IGFBP2: variants seen among roughly 807,000 people sequenced by gnomAD.
IGFBP2 encodes the protein insulin-like growth factor-binding protein 2.
Under a neutral mutation model 26.2 loss-of-function variants are expected in IGFBP2, and 12 were observed. The ratio of observed to expected loss-of-function variants is 0.46; its 90% CI spans 0.29 to 0.74. The LOEUF is 0.74. IGFBP2 is among the 30% of genes least tolerant of loss of function. The probability of loss-of-function intolerance (pLI) is 0.09; values close to 1 mark genes in which losing one functional copy is unlikely to be tolerated. For synonymous variants in IGFBP2, 189 were observed against 200.6 expected (o/e 0.94, Z 0.49); for missense variants, 328 against 441.2 (o/e 0.74, Z 2.30).
At chr2:216,651,637 A>T (rs1328587477) in intron 1 of IGFBP2, among the ~76,000 whole-genome samples, 8 of 152,260 alleles carry the variant, frequency 5.3e-5, no homozygotes, top group African/African-American at 1.9e-4. Flanking sequence ...CATATTGCAG[A>T]ACTCTCATGA....
chr2:216,646,134 T>C (rs1697705851), intron 1 of IGFBP2, among the ~76,000 whole-genome samples: 1 of 152,228 alleles, frequency 6.6e-6, no homozygotes, highest in African/African-American at 2.4e-5. Flanking sequence ...CTGGACATCT[T>C]TGCAGGTTTT....
chr2:216,650,795 A>C lies in IGFBP2; in HGVS notation c.443-9762A>C, dbSNP rs184712499. 2.6e-5 allele frequency among the ~76,000 whole-genome samples: 4 copies of C among 152,314 alleles called. No homozygotes were observed. The East Asian group carries it at 7.7e-4, about 29-fold the overall frequency. ...CTACCACAAAGGAAACTGGGAGAGG[A>C]GGGACCACCTGTTGGAAAACCATGC... On this transcript the variant is annotated intron_variant, in intron 1 of 3. Coordinates refer to ENST00000233809, the MANE Select transcript of IGFBP2 (RefSeq NM_000597.3).
chr2:216,652,858 G>A (rs1177221455), intron 1 of IGFBP2, among the ~76,000 whole-genome samples: 1 of 152,144 alleles, frequency 6.6e-6, no homozygotes, highest in African/African-American at 2.4e-5. Context: ...TGAAAGGCTT[G>A]GAATGCTATT....
chr2:216,634,807 A>T (rs1265279487), intron 1 of IGFBP2, among the ~76,000 whole-genome samples: 1 of 132,702 alleles, frequency 7.5e-6, no homozygotes, highest in South Asian at 2.6e-4. Context: ...GTAGGATAGA[A>T]TGAGGACCCG....
intron 1 of IGFBP2, among the ~76,000 whole-genome samples, chr2:216,654,962 G>A (rs139325653): frequency 6.6e-6 from 1 of 152,336 alleles, no homozygotes; most frequent in African/African-American, 2.4e-5. Context: ...GGGACCTGGA[G>A]CCAGGGTTGC....
At chr2:216,662,483 G>T (rs1323071985) in intron 3 of IGFBP2, 1 of 163,708 alleles carries the variant, frequency 6.1e-6, no homozygotes, top group East Asian at 1.8e-4. Flanking sequence ...AGTATCTCAG[G>T]GAATGAAGAG....
intron 3 of IGFBP2, 109 bp downstream of exon 3, chr2:216,662,107 T>G: frequency 2.4e-6 from 3 of 1,266,842 alleles, no homozygotes; most frequent in Admixed American, 3.9e-5. Context: ...CTGAGCTGAG[T>G]GAGAGACTCA....
chr2:216,647,624 A>G (rs1001301344), intron 1 of IGFBP2, among the ~76,000 whole-genome samples: 2 of 152,128 alleles, frequency 1.3e-5, no homozygotes, highest in African/African-American at 2.4e-5. Flanking sequence ...GGTTTGCACC[A>G]TTCTCCTGCC....
rs2106184395 is a variant in IGFBP2 at position 216,633,665 on chromosome 2, G to C, written c.142G>C (p.Glu48Gln). The change falls in exon 1 of 4, where the codon GAG becomes CAG. Residue 48 changes from glutamate to glutamine, a missense_variant. By Grantham distance (29) the Glu-to-Gln change is conservative. Coordinates refer to ENST00000233809, the MANE Select transcript of IGFBP2 (RefSeq NM_000597.3). The part of the protein sequence containing the change: ...VLFRCPPCTP[E>Q]RLAACGPPPV... ...GTTCCGCTGCCCGCCCTGCACACCC[G>C]AGCGCCTGGCCGCCTGCGGGCCCCC... 9.1e-7 allele frequency: 1 copy of C among 1,104,386 alleles called. No homozygotes were observed. The highest frequency in any genetic ancestry group is 1.1e-6 in the Non-Finnish European group (1 of 909,652). 68.4% of individuals were successfully genotyped at this position (1,104,386 alleles called of 1,614,324 possible). A position where few individuals can be genotyped will look rare whatever the true frequency, so the allele number is the denominator to read the frequency against.
intron 1 of IGFBP2, among the ~76,000 whole-genome samples, chr2:216,644,290 G>C (rs1012154862): frequency 5.5e-4 from 83 of 152,284 alleles, no homozygotes; most frequent in African/African-American, 2.0e-3. Flanking sequence ...TTGGGGAGAA[G>C]GGGGCAGGGG....
chr2:216,659,935 G>A (rs1698000912), intron 1 of IGFBP2, among the ~76,000 whole-genome samples: 1 of 152,118 alleles, frequency 6.6e-6, no homozygotes, highest in African/African-American at 2.4e-5. Context: ...CACAGTGACA[G>A]CAGGGGGATG....
rs1448578867 is a variant in IGFBP2, at chr2:216,663,965, G to A, written c.839G>A (p.Arg280His). 6.2e-7 allele frequency: 1 copy of A among 1,614,046 alleles called. No individual in the cohort carries two copies. Among genetic ancestry groups the A allele is most frequent in the African/African-American group, 1.3e-5 (1 of 74,928 alleles). The change falls in exon 4 of 4, where the codon CGT becomes CAT. Residue 280 changes from arginine to histidine, a missense_variant. By Grantham distance (29) the Arg-to-His change is conservative. Transcript: ENST00000233809. ...KQCKMSLNGQRGECWCVNPNT... is the reference protein window; with the variant it reads ...KQCKMSLNGQHGECWCVNPNT... ...TGCAAGATGTCTCTGAACGGGCAGC[G>A]TGGGGAGTGCTGGTGTGTGAACCCC...
intron 1 of IGFBP2, among the ~76,000 whole-genome samples, chr2:216,640,338 A>C (rs1268429308): frequency 1.3e-5 from 2 of 152,154 alleles, no homozygotes; most frequent in Non-Finnish European, 2.9e-5. Flanking sequence ...ATTCTCTCCT[A>C]TAAGAGTTAG....
intron 1 of IGFBP2, among the ~76,000 whole-genome samples, chr2:216,658,397 G>A (rs957766501): frequency 7.9e-5 from 12 of 152,044 alleles, no homozygotes; most frequent in Non-Finnish European, 1.6e-4. Context: ...ATTTTCCTTG[G>A]TTTCCCTGTT....
At chr2:216,644,793 C>G (rs931084270) in intron 1 of IGFBP2, among the ~76,000 whole-genome samples, 2 of 152,188 alleles carry the variant, frequency 1.3e-5, no homozygotes, top group Non-Finnish European at 2.9e-5. Context: ...TCGAGATTCT[C>G]TCCACTTAAC....
chr2:216,649,112 T>G (rs1246497883), intron 1 of IGFBP2, among the ~76,000 whole-genome samples: 1 of 152,232 alleles, frequency 6.6e-6, no homozygotes, highest in Non-Finnish European at 1.5e-5. Flanking sequence ...TTGCATATAT[T>G]GCATCTATAT....
At chr2:216,637,668 G>A (rs181437820) in intron 1 of IGFBP2, among the ~76,000 whole-genome samples, 52 of 152,336 alleles carry the variant, frequency 3.4e-4, no homozygotes, top group African/African-American at 1.2e-3. Flanking sequence ...GAGTCTCTAG[G>A]TTAGAATAGG....
chr2:216,644,618 C>T (rs1697676363), intron 1 of IGFBP2, among the ~76,000 whole-genome samples: 1 of 152,114 alleles, frequency 6.6e-6, no homozygotes, highest in Non-Finnish European at 1.5e-5. Context: ...CAGTCATTGG[C>T]ACTAAGCAAA....
intron 2 of IGFBP2, 33 bp downstream of exon 2, chr2:216,660,819 G>A (rs1358354166): frequency 6.6e-7 from 1 of 1,517,102 alleles, no homozygotes; most frequent in Non-Finnish European, 8.9e-7. Context: ...GGAAGGGGTG[G>A]GAGGACAAGG....
Sources: allele counts gnomAD v4.1 joint callset (sites outside exome capture counted in the v4.1 genomes callset), GRCh38; gene constraint gnomAD v4.1.1; transcripts MANE v1.5; gene names NCBI Gene and HGNC (gene_info 2026-07-23, HGNC 2026-07-21).